Variants in CTIF observed in about 807,000 individuals in gnomAD.
CTIF encodes cap binding complex dependent translation initiation factor.
CTIF carries 21 observed loss-of-function variants against 66.0 expected under a neutral mutation model. That is an observed-to-expected ratio of 0.32 (90% CI 0.23 to 0.46). The LOEUF is 0.46. CTIF is among the 20% of genes least tolerant of loss of function. The probability of loss-of-function intolerance (pLI) is 1.00; values close to 1 mark genes in which losing one functional copy is unlikely to be tolerated. For synonymous variants in CTIF, 345 were observed against 326.4 expected, an observed-to-expected ratio of 1.06 and a Z score of -0.62; for missense variants, 739 against 812.7, an observed-to-expected ratio of 0.91 and a Z score of 1.10.
chr18:48,697,996 C>T (rs1246759079), intron 6 of CTIF, among the ~76,000 whole-genome samples: 1 of 150,490 alleles, frequency 6.6e-6, no homozygotes, highest in Non-Finnish European at 1.5e-5. Context: ...CTCTGGCCTT[C>T]CAGGTCAAGC....
intron 6 of CTIF, among the ~76,000 whole-genome samples, chr18:48,676,971 C>A (rs1337842721): frequency 6.6e-6 from 1 of 152,046 alleles, no homozygotes; most frequent in Non-Finnish European, 1.5e-5. Context: ...GGTGGCGCTG[C>A]TGCTATTTAG....
At chr18:48,670,782 A>G (rs2091520675) in intron 6 of CTIF, 38 bp downstream of exon 6, 1 of 1,529,018 alleles carries the variant, frequency 6.5e-7, no homozygotes, top group African/African-American at 1.4e-5. Flanking sequence ...GCCCACCCCC[A>G]CCCCTGGAGT....
At chr18:48,845,478 C>G (rs2069050352) in intron 10 of CTIF, among the ~76,000 whole-genome samples, 1 of 152,218 alleles carries the variant, frequency 6.6e-6, no homozygotes. Context: ...TTCTGCTTAA[C>G]TCTCTGACCA....
At chr18:48,705,219 T>C (rs561487391) in intron 6 of CTIF, among the ~76,000 whole-genome samples, 1 of 152,286 alleles carries the variant, frequency 6.6e-6, no homozygotes, top group South Asian at 2.1e-4. Context: ...CGGGCTGCGC[T>C]CCTTCTTCCA....
At chr18:48,555,772 A>G (rs532547340) in intron 1 of CTIF, among the ~76,000 whole-genome samples, 5 of 152,246 alleles carry the variant, frequency 3.3e-5, no homozygotes, top group Admixed American at 6.5e-5. Flanking sequence ...CTGTGTTTCA[A>G]CTGAAGACAT....
chr18:48,771,333 A>T (rs115107821), intron 9 of CTIF, among the ~76,000 whole-genome samples: 1 of 152,210 alleles, frequency 6.6e-6, no homozygotes, highest in Non-Finnish European at 1.5e-5. Context: ...CAAGGTATTC[A>T]TCAGGCATCA....
rs116261515 is a variant in CTIF, at chr18:48,595,903, A to G, written c.-28-23635A>G. ...GATTCAGTTCCTTGCAGCCTGTTGG[A>G]CTGAGTTGTCCACAGTTCCTCTCCA... On this transcript the variant is annotated intron_variant, in intron 1 of 11. Transcript: ENST00000256413. 4.0e-3 allele frequency among the ~76,000 whole-genome samples: 610 copies of G among 152,234 alleles called. 4 individuals carry two copies. Among genetic ancestry groups the G allele is most frequent in the African/African-American group, 0.014 (580 of 41,522 alleles).
At chr18:48,650,058 G>C (rs1457259070) in intron 3 of CTIF, among the ~76,000 whole-genome samples, 4 of 152,178 alleles carry the variant, frequency 2.6e-5, no homozygotes, top group Non-Finnish European at 5.9e-5. Context: ...CTAAAAACAA[G>C]AGCGCCTCTT....
chr18:48,648,125 T>C (rs938247620), intron 3 of CTIF, among the ~76,000 whole-genome samples: 2 of 152,040 alleles, frequency 1.3e-5, no homozygotes, highest in African/African-American at 4.8e-5. Flanking sequence ...GCATGGTCCA[T>C]TTAAAACCTA....
In CTIF at chr18:48,859,491, A is replaced by C. The variant is rs1195047290; in HGVS notation, c.1729A>C (p.Ser577Arg). ...AGAGGTCATCGAGCTCCACGCTAAC[A>C]GCTGGAACCCTCTGACGCCCCCCAT... ...LLEVIELHAN[S>R]WNPLTPPITQ... Residue 577 changes from serine (S) to arginine (R), a missense_variant, in exon 12 of 12, where the codon AGC becomes CGC. Around this residue, in one of 2 missense-constraint regions of CTIF, gnomAD observed 210 missense variants for 292.3 expected, o/e 0.72. Coordinates refer to ENST00000256413, the MANE Select transcript of CTIF (RefSeq NM_014772.3). The C allele has an allele frequency of 1.9e-6, 3 of 1,614,086 alleles. No individual in the cohort carries two copies. Among genetic ancestry groups the C allele is most frequent in the Non-Finnish European group, 2.5e-6 (3 of 1,180,040 alleles).
chr18:48,724,987 A>G (rs2092373662), intron 7 of CTIF, among the ~76,000 whole-genome samples: 1 of 152,250 alleles, frequency 6.6e-6, no homozygotes, highest in African/African-American at 2.4e-5. Context: ...ACTTGTCAGG[A>G]CTGACATTGA....
At chr18:48,741,478 C>T (rs1233718099) in intron 7 of CTIF, among the ~76,000 whole-genome samples, 1 of 137,394 alleles carries the variant, frequency 7.3e-6, no homozygotes, top group Non-Finnish European at 1.5e-5. Flanking sequence ...GCTTGGAGTG[C>T]AGTGTTGCAG....
intron 10 of CTIF, among the ~76,000 whole-genome samples, chr18:48,823,417 C>T (rs2068522397): frequency 1.3e-5 from 2 of 152,186 alleles, no homozygotes; most frequent in African/African-American, 4.8e-5. Context: ...ATTGAAGAGA[C>T]TGTCTTTTCC....
intron 1 of CTIF, among the ~76,000 whole-genome samples, chr18:48,543,148 T>A (rs1015272031): frequency 1.3e-4 from 20 of 152,228 alleles, no homozygotes; most frequent in African/African-American, 4.6e-4. Flanking sequence ...TGGGCTCCAT[T>A]GCCCTTGTTT....
At chr18:48,723,529 G>A (rs1222323712) in intron 7 of CTIF, among the ~76,000 whole-genome samples, 1 of 152,140 alleles carries the variant, frequency 6.6e-6, no homozygotes, top group Non-Finnish European at 1.5e-5. Context: ...CCAGATTGTG[G>A]GGACCCCACT....
intron 7 of CTIF, among the ~76,000 whole-genome samples, chr18:48,730,555 TGTGAGGGGCTTCTGC>T (rs2092441249): frequency 3.3e-5 from 1 of 30,654 alleles, no homozygotes; most frequent in Non-Finnish European, 6.9e-5. Flanking sequence ...GCTTCTGCTG[TGTGAGGGGCTTCTGC>T]GGTGTGAGGG....
Position 48,619,545 on chromosome 18 carries a change from C to A in CTIF, c.-21C>A, listed in dbSNP as rs1232376649. The A allele has an allele frequency of 1.3e-6, 2 of 1,487,718 alleles. No individual in the cohort carries two copies. The highest frequency in any genetic ancestry group is 2.9e-5 in the South Asian group (2 of 69,936). 92.2% of individuals were successfully genotyped at this position (1,487,718 alleles called of 1,614,324 possible). On this transcript the variant is annotated 5_prime_UTR_variant, in exon 2 of 12. Coordinates refer to ENST00000256413, the MANE Select transcript of CTIF (RefSeq NM_014772.3). ...TGTCCTCTTTCCCACCAGTCCCGGC[C>A]CAGGCCCCTGAGCTGGAGGGATGGA...
intron 2 of CTIF, among the ~76,000 whole-genome samples, chr18:48,629,392 A>G (rs1383344922): frequency 6.6e-6 from 1 of 152,242 alleles, no homozygotes; most frequent in African/African-American, 2.4e-5. Flanking sequence ...CTACATTTGT[A>G]CCCACACTCT....
At chr18:48,741,776 G>A (rs1365919079) in intron 7 of CTIF, among the ~76,000 whole-genome samples, 1 of 152,082 alleles carries the variant, frequency 6.6e-6, no homozygotes, top group Non-Finnish European at 1.5e-5. Flanking sequence ...CAAAAGAAGT[G>A]GACTTATGGG....
Sources: allele counts gnomAD v4.1 joint callset (sites outside exome capture counted in the v4.1 genomes callset), GRCh38; gene constraint gnomAD v4.1.1; regional missense constraint gnomAD v4.1.1; transcripts MANE v1.5; gene names NCBI Gene and HGNC (gene_info 2026-07-23, HGNC 2026-07-21).